Variants in VPS35L observed in about 807,000 individuals in gnomAD.
VPS35L encodes VPS35 endosomal protein-sorting factor-like.
A neutral mutation model predicts 133.0 loss-of-function variants in VPS35L; 83 were observed. The observed-to-expected ratio is 0.62, with a 90% CI of 0.52 to 0.75. The LOEUF is 0.75. VPS35L is among the 30% of genes least tolerant of loss of function. VPS35L has a pLI of 0.00. For synonymous variants in VPS35L, 423 were observed against 449.9 expected, an observed-to-expected ratio of 0.94 and a Z score of 0.76; for missense variants, 1,083 against 1,206.8, an observed-to-expected ratio of 0.90 and a Z score of 1.52.
At chr16:19,649,435 C>T (rs1029868351) in intron 24 of VPS35L, among the ~76,000 whole-genome samples, 3 of 152,122 alleles carry the variant, frequency 2.0e-5, no homozygotes, top group East Asian at 1.9e-4. Context: ...TCTTGCACAG[C>T]GATTAAACTT....
At chr16:19,643,404 C>G (rs1236956237) in intron 22 of VPS35L, among the ~76,000 whole-genome samples, 2 of 152,194 alleles carry the variant, frequency 1.3e-5, no homozygotes, top group Non-Finnish European at 2.9e-5. Flanking sequence ...GCTCTTCTTT[C>G]AAACATCATC....
chr16:19,596,633 T>C (rs1597343012), intron 8 of VPS35L, among the ~76,000 whole-genome samples: 1 of 152,042 alleles, frequency 6.6e-6, no homozygotes, highest in East Asian at 1.9e-4. Flanking sequence ...CCACCTGTAA[T>C]AGCAAACTAT....
At chr16:19,592,836 C>T (rs968959373) in intron 8 of VPS35L, among the ~76,000 whole-genome samples, 1 of 152,038 alleles carries the variant, frequency 6.6e-6, no homozygotes, top group Non-Finnish European at 1.5e-5. Flanking sequence ...CAGGCACGCA[C>T]CACCACGCCT....
chr16:19,604,126 T>G (rs1185806169), intron 9 of VPS35L, among the ~76,000 whole-genome samples: 1 of 134,048 alleles, frequency 7.5e-6, no homozygotes, highest in East Asian at 2.1e-4. Flanking sequence ...CCAAAATAGG[T>G]TTTTTTTTTT....
At position 19,569,563 on chromosome 16, in the gene VPS35L, C is replaced by A; in HGVS notation, c.257C>A (p.Ala86Asp). 6.3e-7 allele frequency: 1 copy of A among 1,577,938 alleles called. No individual in the cohort carries two copies. Among genetic ancestry groups the A allele is most frequent in the Non-Finnish European group, 8.6e-7 (1 of 1,162,774 alleles). The change falls in exon 3 of 31, where the codon GCT (alanine) becomes GAT (aspartate). Residue 86 changes from alanine (A) to aspartate (D), a missense_variant. Coordinates refer to ENST00000417362, the MANE Select transcript of VPS35L (RefSeq NM_020314.7). ...TDPLSMFAATADPAALAAAMD... is the reference protein window; with the variant it reads ...TDPLSMFAATDDPAALAAAMD... ...CCCCTCTCCATGTTTGCAGCCACTG[C>A]TGACCCCGCAGCCTTGGCAGCTGCC...
At chr16:19,595,039 C>CA (rs1205748673) in intron 8 of VPS35L, among the ~76,000 whole-genome samples, 1 of 152,034 alleles carries the variant, frequency 6.6e-6, no homozygotes, top group Non-Finnish European at 1.5e-5. Flanking sequence ...GCCTGAGAAC[C>CA]AAGGAGGCCA....
At chr16:19,627,198 A>G (rs891745993) in intron 15 of VPS35L, among the ~76,000 whole-genome samples, 3 of 150,988 alleles carry the variant, frequency 2.0e-5, no homozygotes, top group African/African-American at 4.9e-5. Context: ...CAGGAGAATC[A>G]CTTGAACCCG....
At chr16:19,566,445 A>G (rs1971192236) in intron 2 of VPS35L, among the ~76,000 whole-genome samples, 1 of 152,170 alleles carries the variant, frequency 6.6e-6, no homozygotes, top group African/African-American at 2.4e-5. Context: ...GCAGTGAGCT[A>G]AGATCACGCC....
intron 1 of VPS35L, among the ~76,000 whole-genome samples, chr16:19,562,755 A>AT (rs1293542733): frequency 6.0e-5 from 9 of 151,102 alleles, no homozygotes; most frequent in African/African-American, 4.9e-5. Flanking sequence ...TCTCCTTCAG[A>AT]TTTTTTTTTC....
chr16:19,633,132 A>C lies in VPS35L; in HGVS notation c.1595A>C (p.His532Pro), dbSNP rs779014329. 1.9e-6 allele frequency: 3 copies of C among 1,614,234 alleles called. No individual in the cohort carries two copies. Residue 532 changes from histidine to proline, a missense_variant, in exon 19 of 31, where the codon CAC (histidine) becomes CCC (proline). His to Pro is a moderately conservative substitution (Grantham distance 77). Coordinates refer to ENST00000417362, the MANE Select transcript of VPS35L (RefSeq NM_020314.7). This position sits in a 1 kb window ranked among gnomAD's most constrained non-coding sequence, Gnocchi z 4.1. ...VNTVLADVIK[H>P]MTPDRAFEDS... is the part of the protein sequence containing the mutation. ...ACCGTTTTGGCAGATGTCATCAAGC[A>C]CATGACTCCAGATCGTGCATTTGAA... is the stretch of plus-strand genomic sequence containing the variant.
chr16:19,629,682 G>C, intron 17 of VPS35L, 85 bp from the exon 18 acceptor site: 1 of 1,230,270 alleles, frequency 8.1e-7, no homozygotes. Context: ...TCCAACCATT[G>C]AACAGAGCCA....
At chr16:19,618,550 G>A (rs1464388540) in intron 14 of VPS35L, among the ~76,000 whole-genome samples, 1 of 152,206 alleles carries the variant, frequency 6.6e-6, no homozygotes, top group Non-Finnish European at 1.5e-5. Context: ...ACACATTGCT[G>A]TGTGTGCTGT....
chr16:19,624,985 C>G, intron 14 of VPS35L, among the ~76,000 whole-genome samples: 1 of 151,984 alleles, frequency 6.6e-6, no homozygotes. Flanking sequence ...GATCCTTCTT[C>G]CATTGATTTT....
At chr16:19,568,437 A>G (rs1971257396) in intron 2 of VPS35L, among the ~76,000 whole-genome samples, 1 of 148,458 alleles carries the variant, frequency 6.7e-6, no homozygotes, top group Admixed American at 6.8e-5. Flanking sequence ...GCATCGTTGC[A>G]TAGGCATGAT....
intron 8 of VPS35L, among the ~76,000 whole-genome samples, chr16:19,594,909 G>A (rs1311920636): frequency 3.3e-5 from 5 of 152,102 alleles, no homozygotes; most frequent in Non-Finnish European, 7.4e-5. Context: ...GTGCTTGAAG[G>A]CGGTGAGAGG....
At chr16:19,601,762 G>T in intron 9 of VPS35L, 39 bp downstream of exon 9, 1 of 1,602,948 alleles carries the variant, frequency 6.2e-7, no homozygotes, top group Non-Finnish European at 8.5e-7. Context: ...ATTCTGCCCT[G>T]GAGTCAGGAC....
rs957577439 is a variant in VPS35L, at chr16:19,700,883, C to T, written c.*407C>T. On this transcript the variant is annotated 3_prime_UTR_variant, in exon 31 of 31. Transcript: ENST00000417362. ...AAAGTGCCACTGTTCCAGACCCATT[C>T]CATTCCAGACTTTGTACCTTAAAGT... is the stretch of plus-strand genomic sequence containing the variant. 6.0e-6 allele frequency: 1 copy of T among 167,728 alleles called. No individual in the cohort carries two copies. The highest frequency in any genetic ancestry group is 2.4e-5 in the African/African-American group (1 of 41,922). The allele number at this position is 167,728 out of a possible 1,614,324, so 10.4% of individuals were successfully genotyped here. A position where few individuals can be genotyped will look rare whatever the true frequency, so the allele number is the denominator to read the frequency against.
Position 19,647,803 on chromosome 16 carries a change from T to G in VPS35L, c.1949T>G (p.Phe650Cys). 21 of 1,614,162 alleles carry G rather than the reference T, an allele frequency of 1.3e-5. No individual in the cohort carries two copies. Among genetic ancestry groups the G allele is most frequent in the Non-Finnish European group, 1.8e-5 (21 of 1,180,030 alleles). The change falls in exon 24 of 31, where the codon TTT becomes TGT. Residue 650 changes from phenylalanine to cysteine, a missense_variant. Physicochemically the swap from Phe to Cys is radical, Grantham distance 205. Transcript: ENST00000417362. ...FIKMVSFGRD[F>C]EQQLSFYVES... Reference sequence around the variant, plus strand: ...TTCTAGGTTTCCTTTGGCCGTGATTTTGAACAACAGCTGAGTTTTTATGTT... The same window carrying G: ...TTCTAGGTTTCCTTTGGCCGTGATTGTGAACAACAGCTGAGTTTTTATGTT...
intron 8 of VPS35L, among the ~76,000 whole-genome samples, chr16:19,593,711 G>A (rs1391085777): frequency 6.6e-6 from 1 of 151,996 alleles, no homozygotes; most frequent in Admixed American, 6.6e-5. Flanking sequence ...GCAGTCAGGA[G>A]TTCAAGACCA....
Sources: allele counts gnomAD v4.1 joint callset (sites outside exome capture counted in the v4.1 genomes callset), GRCh38; gene constraint gnomAD v4.1.1; non-coding constraint Gnocchi (gnomAD v3.1); transcripts MANE v1.5; gene names NCBI Gene and HGNC (gene_info 2026-07-23, HGNC 2026-07-21).